Variants in CPPED1 observed in about 807,000 individuals in gnomAD.
CPPED1 encodes the protein calcineurin like phosphoesterase domain containing 1, also known as serine/threonine-protein phosphatase CPPED1.
In CPPED1, 28 loss-of-function variants were observed where a neutral mutation model predicts 28.0. The ratio of observed to expected loss-of-function variants is 1.00; its 90% CI spans 0.74 to 1.37. The LOEUF (loss-of-function observed/expected upper bound fraction) is 1.37. Ranked by LOEUF, CPPED1 falls within the 40% of genes most tolerant of loss-of-function variation. The pLI, the probability that CPPED1 is intolerant of heterozygous loss-of-function variation, is 0.00. For missense variants in CPPED1, 504 were observed against 416.5 expected (o/e 1.21, Z -1.83); for synonymous variants, 198 against 180.2 (o/e 1.10, Z -0.79).
At chr16:12,780,107 T>G (rs1377781964) in intron 2 of CPPED1, among the ~76,000 whole-genome samples, 1 of 152,178 alleles carries the variant, frequency 6.6e-6, no homozygotes, top group African/African-American at 2.4e-5. Context: ...GCAGTGGAGC[T>G]GACCCCACAC....
rs2079815224 is a variant in CPPED1 at position 12,664,738 on chromosome 16, C to T, written c.*148G>A. ...TTTGAATATAATTCAGGACAGGGCC[C>T]CAGCTCTCTGATTTATGCAAAAGGA... On this transcript the variant is annotated 3_prime_UTR_variant, in exon 4 of 4. Transcript: ENST00000381774. The surrounding 1 kb of genome is among the most constrained non-coding windows in gnomAD (Gnocchi z 4.2). The T allele has an allele frequency of 1.3e-6, 2 of 1,486,268 alleles. No homozygotes were observed. The highest frequency in any genetic ancestry group is 1.4e-5 in the African/African-American group (1 of 69,596). 92.1% of individuals were successfully genotyped at this position (1,486,268 alleles called of 1,614,324 possible).
chr16:12,717,312 G>A (rs1016241016), intron 2 of CPPED1, among the ~76,000 whole-genome samples: 1 of 152,226 alleles, frequency 6.6e-6, no homozygotes, highest in African/African-American at 2.4e-5. Context: ...CGCCCAGGCT[G>A]GAGTGCAGCG....
At chr16:12,668,555 C>T (rs1424553567) in intron 3 of CPPED1, among the ~76,000 whole-genome samples, 1 of 152,076 alleles carries the variant, frequency 6.6e-6, no homozygotes, top group African/African-American at 2.4e-5. Flanking sequence ...AAAAGACAAC[C>T]CATGGAATGG....
At chr16:12,705,715 G>A (rs779165119) in intron 2 of CPPED1, among the ~76,000 whole-genome samples, 109 of 152,286 alleles carry the variant, frequency 7.2e-4, no homozygotes, top group Admixed American at 4.6e-4. Context: ...CCAAGATCAC[G>A]CCATTGCACT....
intron 3 of CPPED1, among the ~76,000 whole-genome samples, chr16:12,694,086 G>T (rs2079977095): frequency 1.3e-5 from 2 of 152,030 alleles, no homozygotes; most frequent in Admixed American, 1.3e-4. Context: ...GGTACCTGTA[G>T]TCCCAGCTAC....
chr16:12,780,711 C>T (rs2080525139), intron 2 of CPPED1, among the ~76,000 whole-genome samples: 1 of 143,594 alleles, frequency 7.0e-6, no homozygotes, highest in African/African-American at 2.6e-5. Flanking sequence ...ACTTTACAGT[C>T]CTATTAGGCA....
intron 2 of CPPED1, among the ~76,000 whole-genome samples, chr16:12,711,312 G>A (rs186970857): frequency 2.2e-4 from 33 of 152,308 alleles, no homozygotes; most frequent in Admixed American, 1.7e-3. Context: ...TAGAATGGTG[G>A]TTGCCAGGAC....
At chr16:12,740,270 AC>A (rs2080248133) in intron 2 of CPPED1, among the ~76,000 whole-genome samples, 1 of 151,896 alleles carries the variant, frequency 6.6e-6, no homozygotes, top group South Asian at 2.1e-4. Flanking sequence ...ACATGGTGAA[AC>A]CCCATCTCTA....
chr16:12,780,923 G>C (rs1411111135), intron 2 of CPPED1: 3 of 479,178 alleles, frequency 6.3e-6, no homozygotes, highest in Non-Finnish European at 1.1e-5. Flanking sequence ...TGATGTGTGG[G>C]AATCTGTTCC....
At chr16:12,726,849 A>AAT (rs2141202190) in intron 2 of CPPED1, among the ~76,000 whole-genome samples, 1 of 152,230 alleles carries the variant, frequency 6.6e-6, no homozygotes, top group South Asian at 2.1e-4. Flanking sequence ...ATAAAGCAGC[A>AAT]ATAGTGTACT....
At chr16:12,775,178 G>A (rs2080490671) in intron 2 of CPPED1, among the ~76,000 whole-genome samples, 1 of 152,054 alleles carries the variant, frequency 6.6e-6, no homozygotes, top group Non-Finnish European at 1.5e-5. Context: ...CTCCCCATGT[G>A]ATGTTCTGTG....
intron 3 of CPPED1, among the ~76,000 whole-genome samples, chr16:12,686,241 A>ATAT (rs35644844): frequency 1.9e-5 from 2 of 106,898 alleles, no homozygotes; most frequent in East Asian, 2.4e-4. Context: ...ATATATATAT[A>ATAT]TTTTTTTTTT....
intron 3 of CPPED1, among the ~76,000 whole-genome samples, chr16:12,674,078 G>A (rs2079866128): frequency 6.6e-6 from 1 of 152,018 alleles, no homozygotes; most frequent in Admixed American, 6.6e-5. Flanking sequence ...ATAACGATGA[G>A]AGAAACTACT....
At chr16:12,715,978 G>A (rs2080105164) in intron 2 of CPPED1, among the ~76,000 whole-genome samples, 1 of 152,220 alleles carries the variant, frequency 6.6e-6, no homozygotes, top group Non-Finnish European at 1.5e-5. Context: ...GGTTTAGAGG[G>A]AAGAGAGTAG....
intron 3 of CPPED1, among the ~76,000 whole-genome samples, chr16:12,692,971 C>G (rs2079971219): frequency 6.6e-6 from 1 of 152,202 alleles, no homozygotes; most frequent in Non-Finnish European, 1.5e-5. Context: ...ACCTGGACTT[C>G]CAACTGCACA....
intron 2 of CPPED1, among the ~76,000 whole-genome samples, chr16:12,774,718 T>A (rs1184168259): frequency 6.6e-6 from 1 of 152,214 alleles, no homozygotes; most frequent in Non-Finnish European, 1.5e-5. Flanking sequence ...GTGAGGGCCA[T>A]GCCCTCATGA....
chr16:12,760,766 C>G (rs1055646421), intron 2 of CPPED1: 1 of 152,132 alleles, frequency 6.6e-6, no homozygotes, highest in African/African-American at 2.4e-5. Context: ...TACTGCTGCC[C>G]TAGTCTATTA....
intron 2 of CPPED1, among the ~76,000 whole-genome samples, chr16:12,739,256 G>C (rs948356816): frequency 2.0e-5 from 3 of 152,150 alleles, no homozygotes; most frequent in African/African-American, 7.2e-5. Flanking sequence ...AACAGTCCAA[G>C]CAAGTGAGTT....
At chr16:12,685,188 C>T (rs9926441) in intron 3 of CPPED1, among the ~76,000 whole-genome samples, 6,075 of 152,280 alleles carry the variant, frequency 0.04, 231 homozygotes, top group African/African-American at 0.097. Flanking sequence ...CGGCGGCTCA[C>T]GCCTGCAATC....
Sources: gnomAD v4.1 joint callset for allele counts (sites outside exome capture counted in the v4.1 genomes callset) on GRCh38, gnomAD v4.1.1 for gene constraint, Gnocchi (gnomAD v3.1) non-coding constraint, MANE v1.5 for transcripts, NCBI Gene and HGNC (gene_info 2026-07-23, HGNC 2026-07-21) for gene names.